The following GALNT11 variants were observed in gnomAD, a reference collection of about 807,000 sequenced individuals.
GALNT11 encodes the protein UDP-GalNAc:polypeptide N-acetylgalactosaminyltransferase 11.
Under a neutral mutation model 72.7 loss-of-function variants are expected in GALNT11, and 47 were observed. The ratio of observed to expected loss-of-function variants is 0.65; its 90% CI spans 0.51 to 0.82. GALNT11 has a LOEUF of 0.82. Among genes scored for constraint, GALNT11 ranks in the 40% least tolerant of loss-of-function variants. The probability of loss-of-function intolerance (pLI) is 0.00; values close to 1 mark genes in which losing one functional copy is unlikely to be tolerated. For missense variants in GALNT11, 677 were observed against 778.4 expected (o/e 0.87, Z 1.55); for synonymous variants, 270 against 286.6 (o/e 0.94, Z 0.58).
chr7:152,088,189 A>G (rs1443850021), intron 1 of GALNT11, among the ~76,000 whole-genome samples: 1 of 152,260 alleles, frequency 6.6e-6, no homozygotes, highest in Non-Finnish European at 1.5e-5. Context: ...GTAGTGTGAT[A>G]CAAGTGATTA....
intron 2 of GALNT11, among the ~76,000 whole-genome samples, chr7:152,098,241 C>T (rs1472159110): frequency 2.0e-5 from 3 of 151,882 alleles, no homozygotes; most frequent in Non-Finnish European, 4.4e-5. Flanking sequence ...CGCTTGGGCT[C>T]AGAAGTTTAA....
At chr7:152,079,979 ATAT>A in intron 1 of GALNT11, among the ~76,000 whole-genome samples, 1 of 152,370 alleles carries the variant, frequency 6.6e-6, no homozygotes, top group African/African-American at 2.4e-5. Flanking sequence ...AATGCATTAA[ATAT>A]TATGAAAATT....
intron 1 of GALNT11, among the ~76,000 whole-genome samples, chr7:152,086,369 T>C (rs2129028666): frequency 6.6e-6 from 1 of 152,308 alleles, no homozygotes; most frequent in South Asian, 2.1e-4. Context: ...CTTTATTGCT[T>C]CTGAATACCA....
chr7:152,042,161 T>A (rs2082892757), intron 1 of GALNT11, among the ~76,000 whole-genome samples: 1 of 152,234 alleles, frequency 6.6e-6, no homozygotes, highest in African/African-American at 2.4e-5. Flanking sequence ...GCAGATTGTT[T>A]ACTGCAAGAA....
Position 152,094,131 on chromosome 7 carries a change from A to G in GALNT11, c.-38-59A>G. On this transcript the variant is annotated intron_variant, in intron 1 of 11. Coordinates refer to ENST00000430044, the MANE Select transcript of GALNT11 (RefSeq NM_022087.4). The surrounding 1 kb of genome is among the most constrained non-coding windows in gnomAD (Gnocchi z 4.3). ...GTGGTTTGGAAAACAGTGATTCTGT[A>G]TTTGGTGGATGGTTTAAAGTATACT... is the stretch of plus-strand genomic sequence containing the variant. 7.3e-7 allele frequency: 1 copy of G among 1,370,476 alleles called. No homozygotes were observed. Among genetic ancestry groups the G allele is most frequent in the Non-Finnish European group, 1.0e-6 (1 of 1,004,136 alleles). The allele number at this position is 1,370,476 out of a possible 1,614,324, so 84.9% of individuals were successfully genotyped here. A position where few individuals can be genotyped will look rare whatever the true frequency, so the allele number is the denominator to read the frequency against.
chr7:152,098,609 T>C (rs2086548393), intron 2 of GALNT11, among the ~76,000 whole-genome samples: 1 of 152,198 alleles, frequency 6.6e-6, no homozygotes, highest in Admixed American at 6.5e-5. Context: ...TGGAATCTTT[T>C]CAAGAGACCT....
intron 1 of GALNT11, among the ~76,000 whole-genome samples, chr7:152,075,934 C>T (rs1459343735): frequency 6.6e-6 from 1 of 151,380 alleles, no homozygotes; most frequent in Non-Finnish European, 1.5e-5. Context: ...TGGTGGCGGA[C>T]TCCTGTAGTC....
At chr7:152,061,301 G>A (rs1277781747) in intron 1 of GALNT11, among the ~76,000 whole-genome samples, 3 of 151,946 alleles carry the variant, frequency 2.0e-5, no homozygotes, top group Admixed American at 6.6e-5. Flanking sequence ...CATATCTTTC[G>A]CCCACTTTTT....
intron 1 of GALNT11, among the ~76,000 whole-genome samples, chr7:152,034,123 G>T (rs541127954): frequency 6.6e-6 from 1 of 152,138 alleles, no homozygotes; most frequent in Non-Finnish European, 1.5e-5. Flanking sequence ...GGACATAACC[G>T]ATAGCCCAGG....
chr7:152,115,446 G>A (rs1009628872), intron 8 of GALNT11, among the ~76,000 whole-genome samples: 7 of 152,184 alleles, frequency 4.6e-5, no homozygotes, highest in Admixed American at 2.6e-4. Flanking sequence ...TTAGTATCCT[G>A]TGTGAGTATG....
At chr7:152,084,936 A>C (rs191992380) in intron 1 of GALNT11, among the ~76,000 whole-genome samples, 1 of 151,874 alleles carries the variant, frequency 6.6e-6, no homozygotes, top group African/African-American at 2.4e-5. Context: ...TCTGCTGTCA[A>C]TGTCCCCCTC....
At chr7:152,055,695 A>G (rs1483012186) in intron 1 of GALNT11, among the ~76,000 whole-genome samples, 1 of 152,074 alleles carries the variant, frequency 6.6e-6, no homozygotes, top group Non-Finnish European at 1.5e-5. Context: ...TATTCTATAA[A>G]GTATATAAAC....
chr7:152,048,134 C>A (rs1168206725), intron 1 of GALNT11, among the ~76,000 whole-genome samples: 2 of 151,670 alleles, frequency 1.3e-5, no homozygotes, highest in African/African-American at 4.9e-5. Context: ...TCTGGAAGAC[C>A]TTTATTTCTC....
At chr7:152,108,879 A>G (rs1035588927) in intron 6 of GALNT11, among the ~76,000 whole-genome samples, 2 of 152,202 alleles carry the variant, frequency 1.3e-5, no homozygotes, top group Admixed American at 6.5e-5. Flanking sequence ...TAAAGAATAC[A>G]TTTGTTCTTG....
intron 1 of GALNT11, among the ~76,000 whole-genome samples, chr7:152,033,752 C>A (rs2082420302): frequency 1.3e-5 from 2 of 152,194 alleles, no homozygotes; most frequent in African/African-American, 4.8e-5. Flanking sequence ...TCCCCATGAT[C>A]TGAGTCAAGG....
chr7:152,109,920 T>G (rs988821769), intron 6 of GALNT11, among the ~76,000 whole-genome samples: 1 of 152,184 alleles, frequency 6.6e-6, no homozygotes, highest in Non-Finnish European at 1.5e-5. Flanking sequence ...ACAGGGCTTC[T>G]CAGCCTTGGC....
chr7:152,117,653 A>G (rs1353550904), intron 9 of GALNT11: 3 of 418,852 alleles, frequency 7.2e-6, no homozygotes, highest in Non-Finnish European at 1.3e-5. Flanking sequence ...CACCCCGGAC[A>G]GAGGCCATGG....
chr7:152,103,227 C>CAGCA lies in GALNT11; in HGVS notation c.535_536insAGCA (p.Pro179GlnfsTer8). The CAGCA allele has an allele frequency of 6.2e-7, 1 of 1,613,640 alleles. No individual in the cohort carries two copies. The highest frequency in any genetic ancestry group is 8.5e-7 in the Non-Finnish European group (1 of 1,179,680). ...AGTGCACAGTGTCATAGACCGCACG[C>CAGCA]CAGCACACCTGCTTCATGAGATCAT... On this transcript the variant is annotated frameshift_variant, in exon 4 of 12. Transcript: ENST00000430044. LOFTEE classifies it high-confidence loss of function.
At chr7:152,041,171 G>T (rs2082842070) in intron 1 of GALNT11, among the ~76,000 whole-genome samples, 1 of 152,172 alleles carries the variant, frequency 6.6e-6, no homozygotes, top group Non-Finnish European at 1.5e-5. Flanking sequence ...CAAATTGGCT[G>T]TTGATTTGGT....
Sources: allele counts gnomAD v4.1 joint callset (sites outside exome capture counted in the v4.1 genomes callset), GRCh38; gene constraint gnomAD v4.1.1; non-coding constraint Gnocchi (gnomAD v3.1); transcripts MANE v1.5; gene names NCBI Gene and HGNC (gene_info 2026-07-23, HGNC 2026-07-21).